Variants in EDN3 observed in about 807,000 individuals in gnomAD.
EDN3 encodes endothelin 3.
A neutral mutation model predicts 21.4 loss-of-function variants in EDN3; 9 were observed. That is an observed-to-expected ratio of 0.42 (90% CI 0.25 to 0.73). The LOEUF is 0.73. Among genes scored for constraint, EDN3 ranks in the 30% least tolerant of loss-of-function variants. The pLI is 0.26. For missense variants in EDN3, 327 were observed against 309.4 expected (o/e 1.06, Z -0.43); for synonymous variants, 133 against 126.2 (o/e 1.05, Z -0.36).
chr20:59,301,426 C>T lies in EDN3; in HGVS notation c.69C>T (p.Ser23=). 1 of 1,612,012 alleles carries T rather than the reference C, an allele frequency of 6.2e-7. No homozygotes were observed. Among genetic ancestry groups the T allele is most frequent in the South Asian group, 1.1e-5 (1 of 91,064 alleles). ...CTTCTGCAGGATTCGTGCCTTGCTC[C>T]CAGTCTGGGGATGCTGGCAGGCGCG... ...VTSAAGFVPC[S]QSGDAGRRGV... The change falls in exon 2 of 5, where the codon TCC becomes TCT. Residue 23 remains serine (S), a synonymous_variant. Transcript: ENST00000337938.
chr20:59,324,585 C>T lies in EDN3; in HGVS notation c.*126C>T. The T allele has an allele frequency of 1.5e-6, 2 of 1,361,726 alleles. No homozygotes were observed. Among genetic ancestry groups the T allele is most frequent in the Non-Finnish European group, 2.0e-6 (2 of 984,370 alleles). The allele number at this position is 1,361,726 out of a possible 1,614,324, so 84.4% of individuals were successfully genotyped here. On this transcript the variant is annotated 3_prime_UTR_variant, in exon 5 of 5. Coordinates refer to ENST00000337938, the MANE Select transcript of EDN3 (RefSeq NM_207034.3). ...GGGCAGAACACCCACCCAAAGAGTC[C>T]CCACTTAACAATACCCCCCCCCCAC...
Position 59,303,176 on chromosome 20 carries a change from T to C in EDN3, c.365+1454T>C, listed in dbSNP as rs11570264. On this transcript the variant is annotated intron_variant, in intron 2 of 4. Transcript: ENST00000337938. ...CAAAGAGCTGCACATTTGCATTTTC[T>C]CCTGGGTCCCATAAATTCTGTAGCT... Among the ~76,000 whole-genome samples the C allele has an allele frequency of 6.7e-4, 102 of 152,324 alleles. No homozygotes were observed. The Middle Eastern group carries it at 0.014, about 20-fold the overall frequency.
intron 2 of EDN3, among the ~76,000 whole-genome samples, chr20:59,306,595 TAAAAAAAAAA>T (rs57144708): frequency 4.8e-5 from 3 of 62,456 alleles, no homozygotes; most frequent in African/African-American, 8.3e-5. Flanking sequence ...GCATAAAGAG[TAAAAAAAAAA>T]AAAAAAAAAA....
intron 2 of EDN3, among the ~76,000 whole-genome samples, chr20:59,316,068 C>T (rs557385819): frequency 1.3e-5 from 2 of 152,224 alleles, no homozygotes; most frequent in East Asian, 3.9e-4. Context: ...TGCCTGTAGT[C>T]CCAGCTGCTT....
In EDN3 at chr20:59,324,322, C is replaced by A; in HGVS notation, c.589-9C>A. 1 of 1,614,110 alleles carries A rather than the reference C, an allele frequency of 6.2e-7. No individual in the cohort carries two copies. On this transcript the variant is annotated splice_polypyrimidine_tract_variant and intron_variant, in intron 4 of 4. Coordinates refer to ENST00000337938, the MANE Select transcript of EDN3 (RefSeq NM_207034.3). ...TTTTTTTTTCTTTTGCCCCCTTTCCCCAAGACAGGTTGAAGTCAAGGACCA... is the reference window on the plus strand; with the variant it reads ...TTTTTTTTTCTTTTGCCCCCTTTCCACAAGACAGGTTGAAGTCAAGGACCA...
chr20:59,312,846 C>A (rs1989920145), intron 2 of EDN3, among the ~76,000 whole-genome samples: 1 of 152,158 alleles, frequency 6.6e-6, no homozygotes, highest in Non-Finnish European at 1.5e-5. Context: ...CCTTTTGTTT[C>A]TCAGGGCCAG....
In EDN3 at chr20:59,301,737, T is replaced by A. The variant is rs750432400; in HGVS notation, c.365+15T>A. 3 of 1,614,016 alleles carry A rather than the reference T, an allele frequency of 1.9e-6. No individual in the cohort carries two copies. The South Asian group carries it at 3.3e-5, about 18-fold the overall frequency. ...AACACTCCCGAGTAAGTCAGCCTTT[T>A]GTGGTGAGGAACGTGGCTCCCGGAC... On this transcript the variant is annotated intron_variant, in intron 2 of 4. Coordinates refer to ENST00000337938, the MANE Select transcript of EDN3 (RefSeq NM_207034.3).
At chr20:59,302,818 A>C (rs765804622) in intron 2 of EDN3, among the ~76,000 whole-genome samples, 42 of 152,230 alleles carry the variant, frequency 2.8e-4, no homozygotes, top group Admixed American at 1.0e-3. Context: ...CAGGTTCCTC[A>C]CGGTCACCTT....
At chr20:59,319,752 GAAAAA>G (rs1173601140) in intron 2 of EDN3, among the ~76,000 whole-genome samples, 3 of 149,304 alleles carry the variant, frequency 2.0e-5, no homozygotes, top group Non-Finnish European at 3.0e-5. Context: ...AGAAAAAAAA[GAAAAA>G]AAGAAAAGAA....
intron 2 of EDN3, among the ~76,000 whole-genome samples, chr20:59,316,228 AC>A (rs1246664092): frequency 1.3e-5 from 2 of 152,174 alleles, no homozygotes; most frequent in Non-Finnish European, 2.9e-5. Context: ...AAAAAAGCTG[AC>A]AAAAATGCCA....
At chr20:59,323,763 C>A in intron 4 of EDN3, 2 of 414,728 alleles carry the variant, frequency 4.8e-6, no homozygotes, top group South Asian at 2.1e-4. Context: ...AGAGTGTGCT[C>A]AGGGAACGGC....
At chr20:59,301,297 G>A in intron 1 of EDN3, 113 bp from the exon 2 acceptor site, 1 of 1,307,004 alleles carries the variant, frequency 7.7e-7, no homozygotes, top group Non-Finnish European at 1.1e-6. Context: ...CAGAGCTTTG[G>A]AAACTTTGCA....
At chr20:59,306,753 T>C (rs1989456830) in intron 2 of EDN3, among the ~76,000 whole-genome samples, 1 of 152,154 alleles carries the variant, frequency 6.6e-6, no homozygotes, top group Non-Finnish European at 1.5e-5. Context: ...ATATTCCAAA[T>C]TTTAGAACAT....
In EDN3 at chr20:59,325,419, G is replaced by C. The variant is rs1990782616; in HGVS notation, c.*960G>C. On this transcript the variant is annotated 3_prime_UTR_variant, in exon 5 of 5. Transcript: ENST00000337938. ...CTTTCAGCTGCGCTCTTCCCACCGA[G>C]CCGAGCTTACTGTGAGTGTGGAGAT... The C allele has an allele frequency of 6.6e-6, 1 of 152,390 alleles. No homozygotes were observed. Among genetic ancestry groups the C allele is most frequent in the Admixed American group, 6.5e-5 (1 of 15,284 alleles). The allele number at this position is 152,390 out of a possible 1,614,324, so 9.4% of individuals were successfully genotyped here.
rs1470295946 is a variant in EDN3 at position 59,325,523 on chromosome 20, G to A, written c.*1064G>A. 2 of 152,192 alleles carry A rather than the reference G, an allele frequency of 1.3e-5. No individual in the cohort carries two copies. Among genetic ancestry groups the A allele is most frequent in the Non-Finnish European group, 2.9e-5 (2 of 68,038 alleles). 9.4% of individuals were successfully genotyped at this position (152,192 alleles called of 1,614,324 possible). On this transcript the variant is annotated 3_prime_UTR_variant, in exon 5 of 5. Transcript: ENST00000337938. ...ACCCAGTCACAGAGAGATAGGAAAC[G>A]GCATTTGAGTGGGTGTCCAGGGCCC...
rs565272361 is a variant in EDN3 at position 59,300,871 on chromosome 20, G to A, written c.52+7G>A. 5.6e-6 allele frequency: 9 copies of A among 1,610,092 alleles called. No individual in the cohort carries two copies. In the African/African-American group the frequency reaches 9.3e-5, roughly 17 times the overall value. ...ACAGTGACCTCCGCCGCAGGTAAGCGCACGGGGCGGCGCGCCTCTCCTGGC... is the reference window on the plus strand; with the variant it reads ...ACAGTGACCTCCGCCGCAGGTAAGCACACGGGGCGGCGCGCCTCTCCTGGC... On this transcript the variant is annotated splice_region_variant and intron_variant, in intron 1 of 4. Transcript: ENST00000337938.
At chr20:59,321,779 A>G (rs896873156) in intron 3 of EDN3, among the ~76,000 whole-genome samples, 1 of 152,182 alleles carries the variant, frequency 6.6e-6, no homozygotes, top group African/African-American at 2.4e-5. Context: ...CCCAAGTTTG[A>G]GACCCTGTGG....
chr20:59,304,558 C>A (rs1363242808), intron 2 of EDN3, among the ~76,000 whole-genome samples: 2 of 152,206 alleles, frequency 1.3e-5, no homozygotes, highest in Non-Finnish European at 2.9e-5. Flanking sequence ...CATGGCGCAT[C>A]CAGCTGCGTG....
At chr20:59,312,688 C>CT (rs1396286793) in intron 2 of EDN3, among the ~76,000 whole-genome samples, 1 of 152,160 alleles carries the variant, frequency 6.6e-6, no homozygotes, top group Non-Finnish European at 1.5e-5. Flanking sequence ...GAGCACCTCA[C>CT]TTTGAGTTTG....
Sources: gnomAD v4.1 joint callset for allele counts (sites outside exome capture counted in the v4.1 genomes callset) on GRCh38, gnomAD v4.1.1 for gene constraint, MANE v1.5 for transcripts, NCBI Gene and HGNC (gene_info 2026-07-23, HGNC 2026-07-21) for gene names.